ZNF234: variants seen among roughly 807,000 people sequenced by gnomAD.
ZNF234 encodes the protein C2-H2 type zinc finger protein.
A neutral mutation model predicts 10.3 loss-of-function variants in ZNF234; 4 were observed. The observed-to-expected ratio is 0.39, with a 90% CI of 0.19 to 0.89. The LOEUF is 0.89. Among genes scored for constraint, ZNF234 ranks in the 40% least tolerant of loss-of-function variants. The probability of loss-of-function intolerance (pLI) is 0.38; values close to 1 mark genes in which losing one functional copy is unlikely to be tolerated. For synonymous variants in ZNF234, 258 were observed against 280.1 expected (o/e 0.92, Z 0.79); for missense variants, 711 against 836.1 (o/e 0.85, Z 1.85).
At chr19:44,152,926 G>A (rs1436964575) in intron 5 of ZNF234, among the ~76,000 whole-genome samples, 2 of 151,788 alleles carry the variant, frequency 1.3e-5, no homozygotes, top group Non-Finnish European at 2.9e-5. Flanking sequence ...AATATGCTGT[G>A]CTTTTATTTT....
intron 5 of ZNF234, among the ~76,000 whole-genome samples, 162 bp downstream of exon 5, chr19:44,150,667 A>T (rs927536452): frequency 6.6e-6 from 1 of 152,146 alleles, no homozygotes; most frequent in African/African-American, 2.4e-5. Context: ...AATAGTATAA[A>T]GTATGTTCTC....
intron 4 of ZNF234, 137 bp downstream of exon 4, chr19:44,149,034 G>A: frequency 2.0e-6 from 2 of 1,015,844 alleles, no homozygotes; most frequent in African/African-American, 1.6e-5. Context: ...AGTTTTTAGT[G>A]AAATAAAATG....
At chr19:44,144,703 T>C in intron 3 of ZNF234, 56 bp downstream of exon 3, 2 of 1,485,482 alleles carry the variant, frequency 1.3e-6, no homozygotes, top group Non-Finnish European at 1.8e-6. Flanking sequence ...TTCTCATGTT[T>C]CCTGAGGAAG....
In ZNF234 at chr19:44,159,564, G is replaced by T. The variant is rs768054871; in HGVS notation, c.*1445G>T. 1 of 433,936 alleles carries T rather than the reference G, an allele frequency of 2.3e-6. No individual in the cohort carries two copies. The highest frequency in any genetic ancestry group is 6.2e-5 in the East Asian group (1 of 16,070). 26.9% of individuals were successfully genotyped at this position (433,936 alleles called of 1,614,324 possible). On this transcript the variant is annotated 3_prime_UTR_variant, in exon 6 of 6. Transcript: ENST00000426739. ...AGAGTTTACTGAATATCACACAATT[G>T]AGTTTTTAATCCATTAATGTTAAGG...
At chr19:44,145,839 G>A (rs565615556) in intron 3 of ZNF234, among the ~76,000 whole-genome samples, 96 of 152,330 alleles carry the variant, frequency 6.3e-4, no homozygotes, top group Non-Finnish European at 1.1e-3. Context: ...ATTTACTAGT[G>A]TCTTATTGCC....
At position 44,159,682 on chromosome 19, in the gene ZNF234, T is replaced by C. The variant is rs539002376; in HGVS notation, c.*1563T>C. 1.1e-4 allele frequency: 50 copies of C among 438,534 alleles called. No individual in the cohort carries two copies. Among genetic ancestry groups the C allele is most frequent in the African/African-American group, 9.2e-4 (46 of 50,238 alleles). The allele number at this position is 438,534 out of a possible 1,614,324, so 27.2% of individuals were successfully genotyped here. A position where few individuals can be genotyped will look rare whatever the true frequency, so the allele number is the denominator to read the frequency against. On this transcript the variant is annotated 3_prime_UTR_variant, in exon 6 of 6. Transcript: ENST00000426739. ...CTTGAATTTATTTGATTTCTGACTT[T>C]CCACATTTCCATCCAGACTTTGACA...
chr19:44,157,136 T>A lies in ZNF234; in HGVS notation c.1120T>A (p.Cys374Ser). Reference sequence around the variant, plus strand: ...CCACACTGGAGAGAAACCATACGTATGTAAAGTGTGTGGTAAGGGTTTCAT... The same window carrying A: ...CCACACTGGAGAGAAACCATACGTAAGTAAAGTGTGTGGTAAGGGTTTCAT... ...RIHTGEKPYVCKVCGKGFIYS... is the reference protein window; with the variant it reads ...RIHTGEKPYVSKVCGKGFIYS... The change falls in exon 6 of 6, where the codon TGT becomes AGT. Residue 374 changes from cysteine (C) to serine (S), a missense_variant. Coordinates refer to ENST00000426739, the MANE Select transcript of ZNF234 (RefSeq NM_006630.3). 6.2e-7 allele frequency: 1 copy of A among 1,614,202 alleles called. No homozygotes were observed. Among genetic ancestry groups the A allele is most frequent in the East Asian group, 2.2e-5 (1 of 44,882 alleles).
intron 2 of ZNF234, among the ~76,000 whole-genome samples, chr19:44,143,484 C>T (rs1223769013): frequency 6.6e-6 from 1 of 152,302 alleles, no homozygotes; most frequent in African/African-American, 2.4e-5. Context: ...TGGCGGGCAC[C>T]TGTAGTCCCA....
chr19:44,157,444 G>GAA lies in ZNF234; in HGVS notation c.1429_1430insAA (p.Ile477LysfsTer53). 1 of 1,613,910 alleles carries GAA rather than the reference G, an allele frequency of 6.2e-7. No individual in the cohort carries two copies. ...GCTCACGACTTCAGATTCACCAGCT[G>GAA]ATCCATACCGGTGAGAAACCATACA... On this transcript the variant is annotated frameshift_variant, in exon 6 of 6. Transcript: ENST00000426739. LOFTEE classifies it low-confidence loss of function (END_TRUNC).
Position 44,150,468 on chromosome 19 carries a change from T to C in ZNF234, c.198T>C (p.Asp66=), listed in dbSNP as rs1323880047. Residue 66 remains aspartate (D), a synonymous_variant, in exon 5 of 6, where the codon GAT becomes GAC. Coordinates refer to ENST00000426739, the MANE Select transcript of ZNF234 (RefSeq NM_006630.3). ...TTTTAGAAAAGGAAAAAAAGCTTGA[T>C]ATAATGAAGACAGCAACTCAAAGAA... ...VFLLEKEKKL[D]IMKTATQRKG... 1.3e-6 allele frequency: 2 copies of C among 1,589,906 alleles called. No individual in the cohort carries two copies. Among genetic ancestry groups the C allele is most frequent in the Non-Finnish European group, 1.7e-6 (2 of 1,167,322 alleles).
In ZNF234 at chr19:44,150,487, C is replaced by T. The variant is rs1354384834; in HGVS notation, c.217C>T (p.Gln73Ter). The change falls in exon 5 of 6, where the codon CAA becomes TAA. Residue 73 changes from glutamine to a stop codon, truncating the protein, a stop_gained. Transcript: ENST00000426739. LOFTEE classifies it low-confidence loss of function (END_TRUNC). ...GCTTGATATAATGAAGACAGCAACT[C>T]AAAGAAAAGGGAAATCAGGTAAGAA... ...KKLDIMKTAT[Q>*]RKGKSADKIQ... The T allele has an allele frequency of 6.3e-7, 1 of 1,582,742 alleles. No homozygotes were observed. The highest frequency in any genetic ancestry group is 1.8e-5 in the Admixed American group (1 of 54,846).
chr19:44,144,729 G>A, intron 3 of ZNF234, 82 bp downstream of exon 3: 1 of 1,351,790 alleles, frequency 7.4e-7, no homozygotes, highest in African/African-American at 1.4e-5. Context: ...AGAACAACGG[G>A]CATTTGAGAA....
chr19:44,153,233 G>T (rs896136400), intron 5 of ZNF234, among the ~76,000 whole-genome samples: 1 of 141,140 alleles, frequency 7.1e-6, no homozygotes, highest in Non-Finnish European at 1.5e-5. Flanking sequence ...TTTTCCCAAG[G>T]TGTCACGGTT....
intron 5 of ZNF234, among the ~76,000 whole-genome samples, chr19:44,150,753 A>ACCTT (rs1968722257): frequency 6.6e-6 from 1 of 152,126 alleles, no homozygotes; most frequent in African/African-American, 2.4e-5. Flanking sequence ...TCTACTTAAG[A>ACCTT]CCTTGTACAG....
intron 3 of ZNF234, among the ~76,000 whole-genome samples, chr19:44,148,415 T>C (rs1275172473): frequency 6.6e-6 from 1 of 152,210 alleles, no homozygotes; most frequent in Non-Finnish European, 1.5e-5. Context: ...GTGGGTGTTA[T>C]CATGTATGTT....
intron 2 of ZNF234, among the ~76,000 whole-genome samples, chr19:44,144,150 C>T (rs1968534556): frequency 6.6e-6 from 1 of 152,098 alleles, no homozygotes; most frequent in Admixed American, 6.5e-5. Context: ...ACTCCTCTTG[C>T]CCATTTACAG....
chr19:44,158,142 C>T lies in ZNF234; in HGVS notation c.*23C>T. The T allele has an allele frequency of 6.4e-7, 1 of 1,568,856 alleles. No individual in the cohort carries two copies. Among genetic ancestry groups the T allele is most frequent in the Non-Finnish European group, 8.6e-7 (1 of 1,159,734 alleles). ...TGATTAAAAAAAAAAAAACAGAACTCATGTACAACCTGAATGCTTGTAATT... is the reference window on the plus strand; with the variant it reads ...TGATTAAAAAAAAAAAAACAGAACTTATGTACAACCTGAATGCTTGTAATT... On this transcript the variant is annotated 3_prime_UTR_variant, in exon 6 of 6. Coordinates refer to ENST00000426739, the MANE Select transcript of ZNF234 (RefSeq NM_006630.3).
In ZNF234 at chr19:44,156,680, C is replaced by G; in HGVS notation, c.664C>G (p.His222Asp). ...EFSQSSHLQTHQRVHTVEKPF... is the reference protein window; with the variant it reads ...EFSQSSHLQTDQRVHTVEKPF... ...TAGTCAGAGCTCACATCTTCAAACT[C>G]ATCAGAGAGTCCACACTGTAGAGAA... Residue 222 changes from histidine (H) to aspartate (D), a missense_variant, in exon 6 of 6, where the codon CAT (histidine) becomes GAT (aspartate). His to Asp is a moderately conservative substitution (Grantham distance 81, BLOSUM62 -1). Transcript: ENST00000426739. 6.2e-7 allele frequency: 1 copy of G among 1,614,182 alleles called. No individual in the cohort carries two copies. The highest frequency in any genetic ancestry group is 8.5e-7 in the Non-Finnish European group (1 of 1,180,040).
intron 4 of ZNF234, among the ~76,000 whole-genome samples, chr19:44,149,219 C>G (rs945467731): frequency 2.0e-5 from 3 of 152,146 alleles, no homozygotes; most frequent in Non-Finnish European, 4.4e-5. Context: ...GCAGGTGGAT[C>G]ACCTGAGGTC....
Sources: allele counts gnomAD v4.1 joint callset (sites outside exome capture counted in the v4.1 genomes callset), GRCh38; gene constraint gnomAD v4.1.1; transcripts MANE v1.5; gene names NCBI Gene and HGNC (gene_info 2026-07-23, HGNC 2026-07-21).